MASTL: variants seen among roughly 807,000 people sequenced by gnomAD.
The protein encoded by MASTL is serine/threonine-protein kinase greatwall.
MASTL carries 54 observed loss-of-function variants against 82.5 expected under a neutral mutation model. The ratio of observed to expected loss-of-function variants is 0.65; its 90% confidence interval spans 0.53 to 0.82. The LOEUF (loss-of-function observed/expected upper bound fraction) is 0.82, where lower values mean the gene tolerates loss of function less well. MASTL is among the 40% of genes least tolerant of loss of function. The pLI, the probability that MASTL is intolerant of heterozygous loss-of-function variation, is 0.00. For missense variants in MASTL, 950 were observed against 1,047.8 expected (o/e 0.91, Z 1.29); for synonymous variants, 323 against 368.9 (o/e 0.88, Z 1.43).
chr10:27,166,867 A>AC (rs1242484089), intron 6 of MASTL, among the ~76,000 whole-genome samples: 13 of 152,162 alleles, frequency 8.5e-5, no homozygotes, highest in Non-Finnish European at 1.8e-4. Flanking sequence ...GTGTCTAAAC[A>AC]TAGTGGGATA....
chr10:27,177,940 A>C (rs2058152481), intron 9 of MASTL: 2 of 212,666 alleles, frequency 9.4e-6, no homozygotes, highest in Non-Finnish European at 1.6e-5. Flanking sequence ...TACAAAAATG[A>C]ACCGTCTTCT....
intron 9 of MASTL, among the ~76,000 whole-genome samples, chr10:27,176,311 G>A (rs1344070859): frequency 6.6e-6 from 1 of 151,854 alleles, no homozygotes; most frequent in Non-Finnish European, 1.5e-5. Flanking sequence ...TATTATTTTA[G>A]TGCCCTTCTA....
In MASTL at chr10:27,173,272, T is replaced by C. The variant is rs749531813; in HGVS notation, c.2266+13T>C. The C allele has an allele frequency of 1.9e-6, 3 of 1,614,050 alleles. No homozygotes were observed. Among genetic ancestry groups the C allele is most frequent in the Non-Finnish European group, 1.7e-6 (2 of 1,179,964 alleles). ...GGCAGGGCCCATGGTAAGGCATGCA[T>C]GTCTTGAGTTTTTGAAGTGTTATCT... On this transcript the variant is annotated intron_variant, in intron 9 of 11. Transcript: ENST00000375940.
chr10:27,187,172 C>T lies in MASTL; in HGVS notation c.*636C>T, dbSNP rs534636519. Among the ~76,000 whole-genome samples the T allele has an allele frequency of 6.6e-4, 101 of 152,174 alleles. No homozygotes were observed. Among genetic ancestry groups the T allele is most frequent in the Non-Finnish European group, 1.3e-3 (86 of 68,010 alleles). Reference sequence around the variant, plus strand: ...CAAATTAGCCGGGCATGTTGGTGGGCGCCTGTAGTCCCAGCTACTCTGGAG... The same window carrying T: ...CAAATTAGCCGGGCATGTTGGTGGGTGCCTGTAGTCCCAGCTACTCTGGAG... On this transcript the variant is annotated 3_prime_UTR_variant, in exon 12 of 12. Transcript: ENST00000375940.
chr10:27,160,125 G>A (rs1459868338), intron 3 of MASTL, among the ~76,000 whole-genome samples: 4 of 137,638 alleles, frequency 2.9e-5, no homozygotes, highest in African/African-American at 5.6e-5. Context: ...CCTCCCAAGT[G>A]TCTGGGAGTA....
At chr10:27,162,385 G>A (rs7069792) in intron 4 of MASTL, among the ~76,000 whole-genome samples, 45 of 152,226 alleles carry the variant, frequency 3.0e-4, no homozygotes, top group African/African-American at 8.7e-4. Context: ...ATTCTTGGCC[G>A]GGTGCCGTGG....
At position 27,155,512 on chromosome 10, in the gene MASTL, C is replaced by T; in HGVS notation, c.86C>T (p.Pro29Leu). Residue 29 changes from proline to leucine, a missense_variant, in exon 1 of 12, where the codon CCG (proline) becomes CTG (leucine). Pro to Leu is a moderately conservative substitution (Grantham distance 98). Transcript: ENST00000375940. ...EGVNRIAVPK[P>L]PSIEEFSIVK... Reference sequence around the variant, plus strand: ...GTGAATAGGATCGCAGTGCCAAAACCGCCCTCCATTGAGGAATTCAGCATA... The same window carrying T: ...GTGAATAGGATCGCAGTGCCAAAACTGCCCTCCATTGAGGAATTCAGCATA... 2 of 1,614,194 alleles carry T rather than the reference C, an allele frequency of 1.2e-6. No individual in the cohort carries two copies. Among genetic ancestry groups the T allele is most frequent in the Non-Finnish European group, 1.7e-6 (2 of 1,180,030 alleles).
At chr10:27,164,174 T>A (rs1441106127) in intron 4 of MASTL, among the ~76,000 whole-genome samples, 4 of 152,240 alleles carry the variant, frequency 2.6e-5, no homozygotes, top group Admixed American at 2.6e-4. Context: ...AGACAGGGTC[T>A]CACTGTATTA....
At position 27,158,599 on chromosome 10, in the gene MASTL, A is replaced by G. The variant is rs1470589910; in HGVS notation, c.237A>G (p.Gln79=). ...MINKNMTHQV[Q]AERDALALSK... is the part of the protein sequence containing the mutation. ...ACAAAAATATGACTCATCAGGTCCAAGCTGAGAGAGATGCACTGGCACTAA... is the reference window on the plus strand; with the variant it reads ...ACAAAAATATGACTCATCAGGTCCAGGCTGAGAGAGATGCACTGGCACTAA... The change falls in exon 2 of 12, where the codon CAA becomes CAG. Residue 79 remains glutamine (Q), a synonymous_variant. Transcript: ENST00000375940. 1.2e-6 allele frequency: 2 copies of G among 1,612,488 alleles called. No homozygotes were observed. The highest frequency in any genetic ancestry group is 1.3e-5 in the African/African-American group (1 of 75,038).
At chr10:27,157,816 T>C (rs888999827) in intron 1 of MASTL, among the ~76,000 whole-genome samples, 1 of 151,966 alleles carries the variant, frequency 6.6e-6, no homozygotes, top group African/African-American at 2.4e-5. Flanking sequence ...TAGGCAAACT[T>C]CCGACATTCT....
At chr10:27,176,295 CTCTTT>C (rs2058099825) in intron 9 of MASTL, among the ~76,000 whole-genome samples, 1 of 152,292 alleles carries the variant, frequency 6.6e-6, no homozygotes, top group African/African-American at 2.4e-5. Flanking sequence ...ACTCATCTTT[CTCTTT>C]TATTATTTTA....
At chr10:27,181,090 A>T (rs2058264395) in intron 10 of MASTL, 24 bp downstream of exon 10, 2 of 1,503,134 alleles carry the variant, frequency 1.3e-6, no homozygotes, top group Non-Finnish European at 1.9e-6. Context: ...TCCTATTAAG[A>T]TAGTCATTTA....
At chr10:27,171,104 T>C (rs748894437) in intron 8 of MASTL, 21 bp downstream of exon 8, 1 of 1,607,116 alleles carries the variant, frequency 6.2e-7, no homozygotes, top group Non-Finnish European at 8.5e-7. Flanking sequence ...AACTTTCTAA[T>C]ACTGTTTTTT....
At chr10:27,155,044 G>A (rs1434309657), upstream of MASTL, 1 of 248,638 alleles carries the variant, frequency 4.0e-6, no homozygotes, top group African/African-American at 2.3e-5. Flanking sequence ...AGGGTGGGAG[G>A]TCGTGTATGG....
Position 27,187,861 on chromosome 10 carries a change from T to C in MASTL, c.*1325T>C, listed in dbSNP as rs1172431424. On this transcript the variant is annotated 3_prime_UTR_variant, in exon 12 of 12. Transcript: ENST00000375940. ...TGATGCTTTACATCTTATTGTCATT[T>C]ATTTAAAACATGCAACATTATCAGA... 6.6e-6 allele frequency among the ~76,000 whole-genome samples: 1 copy of C among 152,228 alleles called. No individual in the cohort carries two copies.
intron 8 of MASTL, 85 bp from the exon 9 acceptor site, chr10:27,173,033 T>C: frequency 6.5e-7 from 1 of 1,532,592 alleles, no homozygotes; most frequent in East Asian, 2.3e-5. Context: ...ATGAGCTAGT[T>C]ATTTGGCTTG....
In MASTL at chr10:27,170,210, G is replaced by A. The variant is rs150631444; in HGVS notation, c.1251G>A (p.Gln417=). The A allele has an allele frequency of 2.4e-5, 39 of 1,614,156 alleles. 1 individual carries two copies. The highest frequency in any genetic ancestry group is 3.3e-4 in the Middle Eastern group (2 of 6,062). The part of the protein sequence containing the change: ...NNINMDTDTS[Q]LGFHQSNQWA... ...TAAATATGGACACTGACACAAGTCA[G>A]TTAGGTTTCCATCAGTCAAATCAGT... The change falls in exon 8 of 12, where the codon CAG becomes CAA. Residue 417 remains glutamine, a synonymous_variant. Coordinates refer to ENST00000375940, the MANE Select transcript of MASTL (RefSeq NM_001172303.3).
Position 27,167,104 on chromosome 10 carries a change from C to T in MASTL, c.814C>T (p.Leu272Phe), listed in dbSNP as rs746547985. 6.2e-7 allele frequency: 1 copy of T among 1,612,394 alleles called. No homozygotes were observed. Among genetic ancestry groups the T allele is most frequent in the South Asian group, 1.1e-5 (1 of 91,030 alleles). The change falls in exon 7 of 12, where the codon CTT becomes TTT. Residue 272 changes from leucine (L) to phenylalanine (F), a missense_variant and splice_region_variant. Coordinates refer to ENST00000375940, the MANE Select transcript of MASTL (RefSeq NM_001172303.3). ...PYSSKLLKSCLETVASNPGMP... is the reference protein window; with the variant it reads ...PYSSKLLKSCFETVASNPGMP... ...TCAATATTGTCTCTTCTCTATAGGT[C>T]TTGAAACAGTTGCCTCCAACCCAGG... is the stretch of plus-strand genomic sequence containing the variant.
At chr10:27,176,759 C>T (rs533575255) in intron 9 of MASTL, among the ~76,000 whole-genome samples, 1 of 151,976 alleles carries the variant, frequency 6.6e-6, no homozygotes, top group South Asian at 2.1e-4. Flanking sequence ...TTATGCCATT[C>T]TTCCTGTGTT....
Sources: allele counts gnomAD v4.1 joint callset (sites outside exome capture counted in the v4.1 genomes callset), GRCh38; gene constraint gnomAD v4.1.1; transcripts MANE v1.5; gene names NCBI Gene and HGNC (gene_info 2026-07-23, HGNC 2026-07-21).